Variants in POC1A observed in about 807,000 individuals in gnomAD.
POC1A encodes POC1 centriolar protein A.
POC1A carries 34 observed loss-of-function variants against 47.8 expected under a neutral mutation model. The ratio of observed to expected loss-of-function variants is 0.71; its 90% CI spans 0.54 to 0.95. POC1A has a LOEUF of 0.95. POC1A is among the 40% of genes least tolerant of loss of function. The pLI is 0.00. For missense variants in POC1A, 466 were observed against 528.3 expected (o/e 0.88, Z 1.16); for synonymous variants, 177 against 207.6 (o/e 0.85, Z 1.27).
At chr3:52,144,426 G>A (rs1000356319) in intron 6 of POC1A, among the ~76,000 whole-genome samples, 1 of 152,218 alleles carries the variant, frequency 6.6e-6, no homozygotes, top group Non-Finnish European at 1.5e-5. Context: ...GGAGGGGGGT[G>A]GGGTGGGGGA....
chr3:52,149,759 T>C lies in POC1A; in HGVS notation c.275+57A>G, dbSNP rs900920823. The C allele has an allele frequency of 3.3e-6, 5 of 1,531,752 alleles. No individual in the cohort carries two copies. The Admixed American group carries it at 5.3e-5, about 16-fold the overall frequency. The allele number at this position is 1,531,752 out of a possible 1,614,324, so 94.9% of individuals were successfully genotyped here. On this transcript the variant is annotated intron_variant, in intron 3 of 10. Transcript: ENST00000296484. ...CCAAGCTAGGGGACCTGGGTGGGGATGGCTCTGGCACCAGGGCCCCAGACT... is the reference window on the plus strand; with the variant it reads ...CCAAGCTAGGGGACCTGGGTGGGGACGGCTCTGGCACCAGGGCCCCAGACT...
chr3:52,079,364 G>A lies in POC1A; in HGVS notation c.1126-3379C>T, dbSNP rs1221063048. 6.6e-6 allele frequency among the ~76,000 whole-genome samples: 1 copy of A among 152,206 alleles called. No homozygotes were observed. The highest frequency in any genetic ancestry group is 1.5e-5 in the Non-Finnish European group (1 of 68,038). ...GCCCGGGAATTATCCTGCTACCAGC[G>A]CCTGTCCTCACCAGGCTGGAGACAA... On this transcript the variant is annotated intron_variant, in intron 10 of 10. Transcript: ENST00000296484. The surrounding 1 kb of genome is among the most constrained non-coding windows in gnomAD (Gnocchi z 4.6).
intron 10 of POC1A, among the ~76,000 whole-genome samples, chr3:52,086,579 C>G (rs1001899842): frequency 6.6e-6 from 1 of 152,228 alleles, no homozygotes; most frequent in Non-Finnish European, 1.5e-5. Context: ...TGCGTACACA[C>G]GCAGGACCCT....
intron 8 of POC1A, 128 bp from the exon 9 acceptor site, chr3:52,122,605 C>A: frequency 1.5e-6 from 1 of 658,180 alleles, no homozygotes; most frequent in Non-Finnish European, 2.7e-6. Context: ...CCCCACCTGA[C>A]ACCCCAACTC....
At chr3:52,117,892 C>T (rs931846930) in intron 9 of POC1A, among the ~76,000 whole-genome samples, 2 of 152,178 alleles carry the variant, frequency 1.3e-5, no homozygotes, top group South Asian at 2.1e-4. Flanking sequence ...AGCAGAAGTC[C>T]GTCCTATAGT....
intron 10 of POC1A, among the ~76,000 whole-genome samples, chr3:52,076,657 C>T (rs1271811510): frequency 6.6e-6 from 1 of 152,278 alleles, no homozygotes; most frequent in Non-Finnish European, 1.5e-5. Context: ...TCCTCCTTCG[C>T]CCAGTGCGAA....
At chr3:52,144,489 G>A (rs2107185054) in intron 6 of POC1A, among the ~76,000 whole-genome samples, 1 of 152,290 alleles carries the variant, frequency 6.6e-6, no homozygotes, top group South Asian at 2.1e-4. Flanking sequence ...GGGTACTACA[G>A]GCCTTAACCA....
At chr3:52,086,312 C>T (rs745656256) in intron 10 of POC1A, among the ~76,000 whole-genome samples, 2 of 152,220 alleles carry the variant, frequency 1.3e-5, no homozygotes, top group African/African-American at 2.4e-5. Flanking sequence ...CTGGTCTCAA[C>T]TGTGCTGCAC....
intron 9 of POC1A, among the ~76,000 whole-genome samples, chr3:52,102,470 C>T (rs943931540): frequency 6.6e-6 from 1 of 152,172 alleles, no homozygotes; most frequent in African/African-American, 2.4e-5. Flanking sequence ...TGGCATTCAT[C>T]TCCTTTCTCT....
intron 9 of POC1A, among the ~76,000 whole-genome samples, chr3:52,112,102 G>C (rs1217208597): frequency 6.6e-6 from 1 of 152,170 alleles, no homozygotes; most frequent in Non-Finnish European, 1.5e-5. Context: ...ACAGAGCCTT[G>C]GTAGATGCCT....
intron 9 of POC1A, among the ~76,000 whole-genome samples, chr3:52,115,698 G>T (rs997006406): frequency 6.6e-6 from 1 of 152,068 alleles, no homozygotes; most frequent in East Asian, 1.9e-4. Context: ...CTTCCACCAC[G>T]CGAGGACACA....
At chr3:52,088,332 G>T (rs1039411385) in intron 10 of POC1A, among the ~76,000 whole-genome samples, 4 of 152,218 alleles carry the variant, frequency 2.6e-5, no homozygotes, top group Non-Finnish European at 5.9e-5. Flanking sequence ...TGGAGCCACT[G>T]GCTGGGCCCA....
intron 6 of POC1A, among the ~76,000 whole-genome samples, chr3:52,144,917 T>C (rs899181782): frequency 6.6e-6 from 1 of 152,230 alleles, no homozygotes; most frequent in African/African-American, 2.4e-5. Flanking sequence ...TGTCCAGCCA[T>C]GTCCTTCCCA....
At chr3:52,154,225 TG>T in intron 1 of POC1A, 129 bp downstream of exon 1, 1 of 965,670 alleles carries the variant, frequency 1.0e-6, no homozygotes. Context: ...GACAGTAAAC[TG>T]GACCTGAAGA....
At chr3:52,094,380 C>T (rs569773776) in intron 10 of POC1A, among the ~76,000 whole-genome samples, 2 of 152,340 alleles carry the variant, frequency 1.3e-5, no homozygotes, top group Non-Finnish European at 2.9e-5. Context: ...CCATCCAGAG[C>T]GGGGCCTGCT....
intron 10 of POC1A, among the ~76,000 whole-genome samples, chr3:52,088,814 T>C (rs1702547897): frequency 6.6e-6 from 1 of 151,352 alleles, no homozygotes; most frequent in Non-Finnish European, 1.5e-5. Context: ...TGGGCCTCTC[T>C]CCCTGCTCCC....
chr3:52,125,256 G>A (rs1041793102), intron 7 of POC1A, 75 bp from the exon 8 acceptor site: 46 of 1,203,634 alleles, frequency 3.8e-5, no homozygotes, highest in Non-Finnish European at 4.3e-5. Flanking sequence ...AAAACGAGAC[G>A]TTCTTGAATG....
At chr3:52,103,966 T>C (rs1014515938) in intron 9 of POC1A, among the ~76,000 whole-genome samples, 1 of 152,204 alleles carries the variant, frequency 6.6e-6, no homozygotes, top group African/African-American at 2.4e-5. Flanking sequence ...ACCTATTATA[T>C]GTCCCAGCCA....
chr3:52,088,895 A>G (rs1223323283), intron 10 of POC1A, among the ~76,000 whole-genome samples: 1 of 138,530 alleles, frequency 7.2e-6, no homozygotes, highest in East Asian at 2.0e-4. Flanking sequence ...CCCATCTCCA[A>G]GCCAGCTCAG....
Sources: gnomAD v4.1 joint callset for allele counts (sites outside exome capture counted in the v4.1 genomes callset) on GRCh38, gnomAD v4.1.1 for gene constraint, Gnocchi (gnomAD v3.1) non-coding constraint, MANE v1.5 for transcripts, NCBI Gene and HGNC (gene_info 2026-07-23, HGNC 2026-07-21) for gene names.